Variants in NRF1 observed in about 807,000 individuals in gnomAD.
The protein encoded by NRF1 is nuclear respiratory factor 1.
NRF1 carries 5 observed loss-of-function variants against 58.5 expected under a neutral mutation model. The ratio of observed to expected loss-of-function variants is 0.09; its 90% CI spans 0.04 to 0.18. NRF1 has a LOEUF of 0.18. NRF1 is among the 10% of genes least tolerant of loss of function. NRF1 has a pLI of 1.00. For missense variants in NRF1, 288 were observed against 657.7 expected (o/e 0.44, Z 6.15); for synonymous variants, 224 against 246.7 (o/e 0.91, Z 0.86).
chr7:129,731,829 C>G (rs1436003911), intron 10 of NRF1, among the ~76,000 whole-genome samples: 2 of 152,104 alleles, frequency 1.3e-5, no homozygotes, highest in Non-Finnish European at 2.9e-5. Context: ...CCAGGCTGGT[C>G]TCAAACTCCT....
chr7:129,638,358 G>T (rs1012273736), intron 1 of NRF1, among the ~76,000 whole-genome samples: 1 of 152,124 alleles, frequency 6.6e-6, no homozygotes. Flanking sequence ...TATTACTGCT[G>T]GCGAGAAAGA....
chr7:129,680,823 A>G (rs892482461), intron 4 of NRF1, among the ~76,000 whole-genome samples: 9 of 152,228 alleles, frequency 5.9e-5, no homozygotes, highest in African/African-American at 2.2e-4. Context: ...GCCAGTGGGC[A>G]TGGGGTTTCT....
At chr7:129,729,031 G>A (rs1319423405) in intron 10 of NRF1, among the ~76,000 whole-genome samples, 2 of 152,110 alleles carry the variant, frequency 1.3e-5, no homozygotes, top group East Asian at 3.8e-4. Flanking sequence ...CTGAGCAAAG[G>A]GTAGGATATC....
chr7:129,641,220 G>C (rs1801280946), intron 1 of NRF1, among the ~76,000 whole-genome samples: 2 of 152,034 alleles, frequency 1.3e-5, no homozygotes, highest in Admixed American at 1.3e-4. Context: ...TTTTTGATGT[G>C]AAAAATGAGA....
intron 10 of NRF1, among the ~76,000 whole-genome samples, chr7:129,747,000 C>T (rs1241829741): frequency 6.6e-6 from 1 of 152,180 alleles, no homozygotes; most frequent in African/African-American, 2.4e-5. Context: ...AAGGCCCATT[C>T]TTCCTCAGGT....
chr7:129,701,841 G>C (rs528724255), intron 5 of NRF1, among the ~76,000 whole-genome samples: 4 of 152,138 alleles, frequency 2.6e-5, no homozygotes, highest in African/African-American at 9.7e-5. Flanking sequence ...TAGGGGAATG[G>C]CTAAATAAAA....
chr7:129,675,025 T>G (rs1248542881), intron 3 of NRF1, among the ~76,000 whole-genome samples: 1 of 152,234 alleles, frequency 6.6e-6, no homozygotes, highest in Non-Finnish European at 1.5e-5. Flanking sequence ...CCTCCAACTC[T>G]GCTGCTGCTT....
In NRF1 at chr7:129,724,905, A is replaced by G. The variant is rs528917682; in HGVS notation, c.1224-2336A>G. Among the ~76,000 whole-genome samples, 4 of 152,296 alleles carry G rather than the reference A, an allele frequency of 2.6e-5. No individual in the cohort carries two copies. In the East Asian group the frequency reaches 7.7e-4, roughly 29 times the overall value. Reference sequence around the variant, plus strand: ...TGGGGGCAAAATGTAATGACATTGGATTTGCCTGTGATTTCTTAGATATGA... The same window carrying G: ...TGGGGGCAAAATGTAATGACATTGGGTTTGCCTGTGATTTCTTAGATATGA... On this transcript the variant is annotated intron_variant, in intron 9 of 10. Coordinates refer to ENST00000393232, the MANE Select transcript of NRF1 (RefSeq NM_005011.5).
At chr7:129,702,128 C>CA (rs1484476024) in intron 5 of NRF1, among the ~76,000 whole-genome samples, 4 of 152,108 alleles carry the variant, frequency 2.6e-5, no homozygotes, top group Non-Finnish European at 5.9e-5. Context: ...GGATACATGG[C>CA]AAAGAGGACT....
chr7:129,748,131 C>T (rs762621614), intron 10 of NRF1, among the ~76,000 whole-genome samples: 44 of 151,698 alleles, frequency 2.9e-4, no homozygotes, highest in Non-Finnish European at 5.3e-4. Flanking sequence ...AAAAATTAGC[C>T]GGGCGTGGTG....
At chr7:129,647,130 C>T (rs937685547) in intron 1 of NRF1, among the ~76,000 whole-genome samples, 20 of 152,006 alleles carry the variant, frequency 1.3e-4, no homozygotes, top group African/African-American at 4.1e-4. Flanking sequence ...CTCCGCCTCC[C>T]GGGTTCAAGC....
At chr7:129,617,252 T>C (rs757620544) in intron 1 of NRF1, among the ~76,000 whole-genome samples, 6 of 152,188 alleles carry the variant, frequency 3.9e-5, no homozygotes, top group Non-Finnish European at 8.8e-5. Context: ...ATTTTACTGT[T>C]GGTAATTGTA....
chr7:129,751,063 CT>C (rs1272112846), intron 10 of NRF1, among the ~76,000 whole-genome samples: 11 of 152,194 alleles, frequency 7.2e-5, no homozygotes, highest in Admixed American at 7.2e-4. Context: ...AGGCCGCTGT[CT>C]CCAAGGAGCC....
intron 10 of NRF1, among the ~76,000 whole-genome samples, chr7:129,751,982 C>T (rs1047582678): frequency 1.3e-5 from 2 of 152,184 alleles, no homozygotes; most frequent in African/African-American, 2.4e-5. Flanking sequence ...GGCCCAGCTG[C>T]ACGTTGGTTG....
intron 5 of NRF1, among the ~76,000 whole-genome samples, chr7:129,701,561 C>T (rs1802825121): frequency 1.3e-5 from 2 of 150,312 alleles, no homozygotes; most frequent in Non-Finnish European, 3.0e-5. Context: ...CACCACTGCA[C>T]TCCAGCCTGG....
intron 9 of NRF1, among the ~76,000 whole-genome samples, chr7:129,725,077 C>T (rs1166084774): frequency 2.6e-5 from 4 of 152,186 alleles, no homozygotes; most frequent in Admixed American, 6.6e-5. Context: ...AAAAAATCAT[C>T]GAGGCAGAAA....
At position 129,690,411 on chromosome 7, in the gene NRF1, T is replaced by A. The variant is rs1281211371; in HGVS notation, c.471T>A (p.Arg157=). The change falls in exon 5 of 11, where the codon CGT becomes CGA. Residue 157 remains arginine, a synonymous_variant. Coordinates refer to ENST00000393232, the MANE Select transcript of NRF1 (RefSeq NM_005011.5). ...FGAAPLENVV[R]KYKSMILEDL... is the part of the protein sequence containing the mutation. ...CTGCCCTTAATTCCCTGCAGGTGCGTAAGTACAAGAGCATGATCCTGGAAG... is the reference window on the plus strand; with the variant it reads ...CTGCCCTTAATTCCCTGCAGGTGCGAAAGTACAAGAGCATGATCCTGGAAG... 1 of 1,612,606 alleles carries A rather than the reference T, an allele frequency of 6.2e-7. No individual in the cohort carries two copies. Among genetic ancestry groups the A allele is most frequent in the South Asian group, 1.1e-5 (1 of 90,786 alleles).
At chr7:129,723,878 T>TA (rs1803390746) in intron 9 of NRF1, among the ~76,000 whole-genome samples, 1 of 152,212 alleles carries the variant, frequency 6.6e-6, no homozygotes, top group South Asian at 2.1e-4. Flanking sequence ...GATATCTACA[T>TA]ACAAAAGAAT....
At chr7:129,649,842 C>T (rs1801496909) in intron 1 of NRF1, among the ~76,000 whole-genome samples, 1 of 152,170 alleles carries the variant, frequency 6.6e-6, no homozygotes, top group Non-Finnish European at 1.5e-5. Flanking sequence ...AAGCCTTGTC[C>T]TCCCAGGCTC....
Sources: gnomAD v4.1 joint callset for allele counts (sites outside exome capture counted in the v4.1 genomes callset) on GRCh38, gnomAD v4.1.1 for gene constraint, MANE v1.5 for transcripts, NCBI Gene and HGNC (gene_info 2026-07-23, HGNC 2026-07-21) for gene names.